Variants in EVC2 observed in about 807,000 individuals in gnomAD.
The protein encoded by EVC2 is limbin.
EVC2 carries 148 observed loss-of-function variants against 149.3 expected under a neutral mutation model. The ratio of observed to expected loss-of-function variants is 0.99; its 90% CI spans 0.87 to 1.14. The LOEUF (loss-of-function observed/expected upper bound fraction) is 1.14. EVC2 is among the 50% of genes most tolerant of loss of function. The pLI is 0.00. For synonymous variants in EVC2, 776 were observed against 649.9 expected (o/e 1.19, Z -2.95); for missense variants, 1,854 against 1,627.3 (o/e 1.14, Z -2.40).
rs1720217644 is a variant in EVC2, at chr4:5,679,719, C to T, written c.870+1541G>A. On this transcript the variant is annotated intron_variant, in intron 7 of 21. Transcript: ENST00000344408. The surrounding 1 kb of genome is among the most constrained non-coding windows in gnomAD (Gnocchi z 5.1). ...TGTCATGGTGGTTTGCTGCACCTATCAACCTGTCATCTAGGTTTTAAGCCC... is the reference window on the plus strand; with the variant it reads ...TGTCATGGTGGTTTGCTGCACCTATTAACCTGTCATCTAGGTTTTAAGCCC... Among the ~76,000 whole-genome samples the T allele has an allele frequency of 6.6e-6, 1 of 152,094 alleles. No homozygotes were observed. The highest frequency in any genetic ancestry group is 2.4e-5 in the African/African-American group (1 of 41,414).
At position 5,677,858 on chromosome 4, in the gene EVC2, G is replaced by A. The variant is rs964514159; in HGVS notation, c.870+3402C>T. On this transcript the variant is annotated intron_variant, in intron 7 of 21. Coordinates refer to ENST00000344408, the MANE Select transcript of EVC2 (RefSeq NM_147127.5). The surrounding 1 kb of genome is among the most constrained non-coding windows in gnomAD (Gnocchi z 4.3). ...CAGAAGACTGGTTACCAGTGCACCCGACAGCCTCACTAAACTGAACACTCA... is the reference window on the plus strand; with the variant it reads ...CAGAAGACTGGTTACCAGTGCACCCAACAGCCTCACTAAACTGAACACTCA... 3.3e-5 allele frequency among the ~76,000 whole-genome samples: 5 copies of A among 152,154 alleles called. No individual in the cohort carries two copies. Among genetic ancestry groups the A allele is most frequent in the African/African-American group, 9.7e-5 (4 of 41,426 alleles).
chr4:5,635,921 C>T (rs894739979), intron 10 of EVC2, among the ~76,000 whole-genome samples: 3 of 152,220 alleles, frequency 2.0e-5, no homozygotes, highest in African/African-American at 4.8e-5. Context: ...CTCCGGGCTT[C>T]GGTTTGCCCA....
Position 5,574,136 on chromosome 4 carries a change from A to G in EVC2, c.3360+549T>C, listed in dbSNP as rs73074134. On this transcript the variant is annotated intron_variant, in intron 19 of 21. Coordinates refer to ENST00000344408, the MANE Select transcript of EVC2 (RefSeq NM_147127.5). ...CCTGCTACTTACAGACACCAGAAGC[A>G]CAGGAAGCCCATCGCAGGATGCGTA... 2.8e-3 allele frequency among the ~76,000 whole-genome samples: 419 copies of G among 152,346 alleles called. 2 individuals carry two copies. Among genetic ancestry groups the G allele is most frequent in the African/African-American group, 8.3e-3 (346 of 41,586 alleles).
At chr4:5,561,736 C>T (rs1157029618), downstream of EVC2, among the ~76,000 whole-genome samples, 1 of 152,168 alleles carries the variant, frequency 6.6e-6, no homozygotes, top group Non-Finnish European at 1.5e-5. Context: ...CTCTGAGTCT[C>T]AGCTTCCTTG....
Position 5,657,117 on chromosome 4 carries a change from C to T in EVC2, c.1145+5990G>A, listed in dbSNP as rs558731285. The stretch of plus-strand genomic sequence containing the variant: ...ACTGAGACCACTGCAGGGGAAGGCA[C>T]CTCGTCCAGGCAGGGAGGCCCACCA... On this transcript the variant is annotated intron_variant, in intron 9 of 21. Transcript: ENST00000344408. The surrounding 1 kb of genome is among the most constrained non-coding windows in gnomAD (Gnocchi z 4.7). 1.3e-5 allele frequency among the ~76,000 whole-genome samples: 2 copies of T among 152,268 alleles called. No homozygotes were observed. Among genetic ancestry groups the T allele is most frequent in the East Asian group, 3.9e-4 (2 of 5,146 alleles).
Position 5,681,453 on chromosome 4 carries a change from T to A in EVC2, c.817-140A>T. 3 of 858,146 alleles carry A rather than the reference T, an allele frequency of 3.5e-6. No individual in the cohort carries two copies. The South Asian group carries it at 4.3e-5, about 12-fold the overall frequency. The allele number at this position is 858,146 out of a possible 1,614,324, so 53.2% of individuals were successfully genotyped here. On this transcript the variant is annotated intron_variant, in intron 6 of 21. Coordinates refer to ENST00000344408, the MANE Select transcript of EVC2 (RefSeq NM_147127.5). ...CTGCACAGGTCAGAGCTTGTGAAGG[T>A]CTCACCATCAGGAGGAAGGGGCTTT...
intron 7 of EVC2, among the ~76,000 whole-genome samples, chr4:5,680,219 C>G (rs1309739326): frequency 6.6e-6 from 1 of 152,146 alleles, no homozygotes; most frequent in Non-Finnish European, 1.5e-5. Context: ...GGGATACACT[C>G]TAAAATAACA....
At chr4:5,674,055 C>G (rs372341636) in intron 7 of EVC2, among the ~76,000 whole-genome samples, 2 of 134,152 alleles carry the variant, frequency 1.5e-5, no homozygotes, top group South Asian at 2.3e-4. Context: ...TCCTCCGGAA[C>G]AGTCTAAGAA....
chr4:5,541,391 A>G (rs907089335), downstream of EVC2, among the ~76,000 whole-genome samples: 2 of 152,214 alleles, frequency 1.3e-5, no homozygotes, highest in Admixed American at 6.5e-5. Flanking sequence ...GTGAGAGGGA[A>G]GCTCGGAAGC....
the EVC2 span, among the ~76,000 whole-genome samples, chr4:5,531,250 C>G: frequency 1.3e-5 from 2 of 152,236 alleles, no homozygotes; most frequent in East Asian, 3.9e-4. Flanking sequence ...CCAGGGCGCT[C>G]CAGGGAAACA....
chr4:5,623,018 T>C (rs1171837379), intron 13 of EVC2, 27 bp from the exon 14 acceptor site: 2 of 1,610,556 alleles, frequency 1.2e-6, no homozygotes, highest in Non-Finnish European at 1.7e-6. Context: ...GAAAATTAAG[T>C]GGGGGTGGGG....
intron 14 of EVC2, among the ~76,000 whole-genome samples, chr4:5,619,366 T>G (rs896900415): frequency 2.0e-5 from 3 of 152,166 alleles, no homozygotes; most frequent in African/African-American, 4.8e-5. Flanking sequence ...ACTGGTGTCC[T>G]TATAAGAAAA....
At position 5,576,673 on chromosome 4, in the gene EVC2, G is replaced by A. The variant is rs1038797601; in HGVS notation, c.3058-219C>T. Among the ~76,000 whole-genome samples, 1 of 152,160 alleles carries A rather than the reference G, an allele frequency of 6.6e-6. No homozygotes were observed. Among genetic ancestry groups the A allele is most frequent in the African/African-American group, 2.4e-5 (1 of 41,428 alleles). On this transcript the variant is annotated intron_variant, in intron 17 of 21. Transcript: ENST00000344408. The surrounding 1 kb of genome is among the most constrained non-coding windows in gnomAD (Gnocchi z 4.5). Reference sequence around the variant, plus strand: ...ACATAGGCCGTTCCCTCCACCTGCAGTGCCTTTCTCTGTCTGCCTGACCAA... The same window carrying A: ...ACATAGGCCGTTCCCTCCACCTGCAATGCCTTTCTCTGTCTGCCTGACCAA...
chr4:5,672,890 G>C (rs1484008938), intron 7 of EVC2, among the ~76,000 whole-genome samples: 1 of 152,222 alleles, frequency 6.6e-6, no homozygotes, highest in Non-Finnish European at 1.5e-5. Flanking sequence ...AAAGACGCCA[G>C]ACACAAAAGG....
At position 5,603,172 on chromosome 4, in the gene EVC2, T is replaced by C. The variant is rs115587527; in HGVS notation, c.2829+12250A>G. 5.7e-3 allele frequency among the ~76,000 whole-genome samples: 870 copies of C among 152,254 alleles called. 8 individuals are homozygous for C. Among genetic ancestry groups the C allele is most frequent in the African/African-American group, 0.02 (834 of 41,522 alleles). ...TGGCATGTGAAAGGTCCAAACTGGA[T>C]AGATTAGAAAGGTAAGATGAAGTCT... On this transcript the variant is annotated intron_variant, in intron 16 of 21. Coordinates refer to ENST00000344408, the MANE Select transcript of EVC2 (RefSeq NM_147127.5).
At chr4:5,574,202 A>G (rs568287887) in intron 19 of EVC2, among the ~76,000 whole-genome samples, 1 of 152,328 alleles carries the variant, frequency 6.6e-6, no homozygotes, top group East Asian at 1.9e-4. Context: ...ACATGACTGC[A>G]TAAGGCTCCG....
chr4:5,616,966 C>T lies in EVC2; in HGVS notation c.2707-1422G>A, dbSNP rs546804868. Among the ~76,000 whole-genome samples the T allele has an allele frequency of 1.2e-4, 18 of 152,242 alleles. No individual in the cohort carries two copies. The South Asian group carries it at 1.7e-3, about 14-fold the overall frequency. ...CAGCGGCTTATGGACTCCCTCCCCTCGCTTCGGTGAAGTGAAAATTATTTT... is the reference window on the plus strand; with the variant it reads ...CAGCGGCTTATGGACTCCCTCCCCTTGCTTCGGTGAAGTGAAAATTATTTT... On this transcript the variant is annotated intron_variant, in intron 15 of 21. Coordinates refer to ENST00000344408, the MANE Select transcript of EVC2 (RefSeq NM_147127.5).
intron 16 of EVC2, among the ~76,000 whole-genome samples, chr4:5,593,624 A>G (rs1266982030): frequency 6.6e-6 from 1 of 152,206 alleles, no homozygotes; most frequent in Non-Finnish European, 1.5e-5. Flanking sequence ...TCCGGTCTAC[A>G]GCTCCCAGCG....
At chr4:5,581,652 C>A (rs1208784436) in intron 17 of EVC2, among the ~76,000 whole-genome samples, 2 of 151,546 alleles carry the variant, frequency 1.3e-5, no homozygotes, top group African/African-American at 4.9e-5. Flanking sequence ...TGAAACTGGA[C>A]CTTATATTTA....
Sources: allele counts gnomAD v4.1 joint callset (sites outside exome capture counted in the v4.1 genomes callset), GRCh38; gene constraint gnomAD v4.1.1; non-coding constraint Gnocchi (gnomAD v3.1); transcripts MANE v1.5; gene names NCBI Gene and HGNC (gene_info 2026-07-23, HGNC 2026-07-21).